The following USP7 variants were observed in gnomAD, a reference collection of about 807,000 sequenced individuals.
USP7 encodes the protein ubiquitin C-terminal hydrolase 7.
USP7 carries 9 observed loss-of-function variants against 162.9 expected under a neutral mutation model. The observed-to-expected ratio is 0.06, with a 90% confidence interval of 0.03 to 0.10. The LOEUF (loss-of-function observed/expected upper bound fraction) is 0.10. Among genes scored for constraint, USP7 ranks in the 10% least tolerant of loss-of-function variants. The pLI is 1.00. For synonymous variants in USP7, 562 were observed against 475.9 expected (o/e 1.18, Z -2.35); for missense variants, 715 against 1,373.7 (o/e 0.52, Z 7.58).
At chr16:8,953,047 G>T (rs1478477853) in intron 1 of USP7, among the ~76,000 whole-genome samples, 1 of 152,088 alleles carries the variant, frequency 6.6e-6, no homozygotes, top group Non-Finnish European at 1.5e-5. Flanking sequence ...ATGTTGGTCA[G>T]GCTGGTCTTG....
chr16:8,939,248 C>T (rs930326897), intron 1 of USP7, among the ~76,000 whole-genome samples: 2 of 152,238 alleles, frequency 1.3e-5, no homozygotes, highest in Admixed American at 6.5e-5. Flanking sequence ...GGCCCTGTTA[C>T]GACCACCCAC....
intron 6 of USP7, 21 bp from the exon 7 acceptor site, chr16:8,917,177 G>A (rs1446714377): frequency 2.5e-6 from 4 of 1,575,872 alleles, no homozygotes; most frequent in Non-Finnish European, 1.7e-6. Context: ...TAAGAAATAA[G>A]AATTTTTACT....
intron 2 of USP7, among the ~76,000 whole-genome samples, chr16:8,925,695 T>C (rs891683865): frequency 6.6e-6 from 1 of 152,188 alleles, no homozygotes; most frequent in African/African-American, 2.4e-5. Flanking sequence ...ACACAGTGGT[T>C]AGTTCACAAT....
chr16:8,935,689 A>G (rs1898669025), intron 1 of USP7: 7 of 152,244 alleles, frequency 4.6e-5, no homozygotes, highest in Admixed American at 2.6e-4. Context: ...GACAGTCTCC[A>G]TTATTGGTGA....
chr16:8,911,763 G>A (rs2061950200), intron 10 of USP7, among the ~76,000 whole-genome samples: 1 of 152,216 alleles, frequency 6.6e-6, no homozygotes, highest in Non-Finnish European at 1.5e-5. Flanking sequence ...GCGAGATCTG[G>A]GGATGTGCAG....
chr16:8,932,012 G>A (rs555392840), intron 1 of USP7, among the ~76,000 whole-genome samples: 5 of 152,154 alleles, frequency 3.3e-5, no homozygotes, highest in Admixed American at 2.0e-4. Context: ...TCTGCCATCC[G>A]AACCAGCAAG....
intron 23 of USP7, 103 bp from the exon 24 acceptor site, chr16:8,898,742 T>C: frequency 1.1e-6 from 1 of 941,352 alleles, no homozygotes; most frequent in Non-Finnish European, 1.6e-6. Context: ...ACACCTGGTC[T>C]TGAAATTTGG....
chr16:8,894,614 G>C lies in USP7; in HGVS notation c.3138C>G (p.Gly1046=), dbSNP rs1258768950. The part of the protein sequence containing the change: ...EKFKFAIVMM[G]RHQYINEDEY... ...CGTCTTCATTTATGTACTGGTGTCG[G>C]CCCATCATTACAATTGCAAATTTAA... Residue 1046 remains glycine, a synonymous_variant, in exon 30 of 31, where the codon GGC becomes GGG. Coordinates refer to ENST00000344836, the MANE Select transcript of USP7 (RefSeq NM_003470.3). The C allele has an allele frequency of 3.7e-6, 6 of 1,613,644 alleles. No homozygotes were observed. The Admixed American group carries it at 1.0e-4, about 27-fold the overall frequency.
In USP7 at chr16:8,916,412, ATTAGGTCTGAG is replaced by A; in HGVS notation, c.906+79_906+89del. The A allele has an allele frequency of 7.8e-6, 5 of 642,524 alleles. No homozygotes were observed. In the South Asian group the frequency reaches 1.2e-4, roughly 16 times the overall value. 39.8% of individuals were successfully genotyped at this position (642,524 alleles called of 1,614,324 possible). A position where few individuals can be genotyped will look rare whatever the true frequency, so the allele number is the denominator to read the frequency against. On this transcript the variant is annotated intron_variant, in intron 8 of 30. Transcript: ENST00000344836. ...CTAAACAAAGATGGGCATTTTCTGAATTAGGTCTGAGGTTTTACTTGGTAATAACTTCTGAC... is the reference window on the plus strand; with the variant it reads ...CTAAACAAAGATGGGCATTTTCTGAAGTTTTACTTGGTAATAACTTCTGAC...
chr16:8,920,302 T>G (rs1897617166), intron 5 of USP7, 57 bp downstream of exon 5: 6 of 1,466,784 alleles, frequency 4.1e-6, no homozygotes, highest in Non-Finnish European at 5.7e-6. Context: ...CGCTAAAGCT[T>G]CTTTCACTGC....
intron 1 of USP7, among the ~76,000 whole-genome samples, chr16:8,949,359 G>A (rs886661535): frequency 1.3e-5 from 2 of 152,190 alleles, no homozygotes; most frequent in African/African-American, 4.8e-5. Flanking sequence ...TGGGTACTAT[G>A]TAGGGAAAAA....
chr16:8,911,456 C>G (rs1377624977), intron 10 of USP7, among the ~76,000 whole-genome samples: 2 of 152,232 alleles, frequency 1.3e-5, no homozygotes, highest in Non-Finnish European at 1.5e-5. Flanking sequence ...CTCAATCCAA[C>G]ACGGAATTGT....
intron 1 of USP7, among the ~76,000 whole-genome samples, chr16:8,945,627 T>C (rs1197623512): frequency 6.6e-6 from 1 of 152,202 alleles, no homozygotes; most frequent in African/African-American, 2.4e-5. Context: ...AGTAAAGATG[T>C]TCTCCCCAAA....
chr16:8,899,839 AAC>A (rs2061746246), intron 21 of USP7, 82 bp from the exon 22 acceptor site: 1 of 1,477,176 alleles, frequency 6.8e-7, no homozygotes, highest in East Asian at 2.3e-5. Context: ...TCTTTTACAC[AAC>A]AGTGACACCA....
rs373524090 is a variant in USP7, at chr16:8,898,576, T to C, written c.2595A>G (p.Leu865=). The C allele has an allele frequency of 3.1e-6, 5 of 1,612,534 alleles. No individual in the cohort carries two copies. Among genetic ancestry groups the C allele is most frequent in the South Asian group, 1.1e-5 (1 of 90,522 alleles). Reference sequence around the variant, plus strand: ...TAGGTTGTCTAGGCTTGAAGAACTGTAGAAGATCTCTTAAAGTACCTTCAT... The same window carrying C: ...TAGGTTGTCTAGGCTTGAAGAACTGCAGAAGATCTCTTAAAGTACCTTCAT... ...HNYEGTLRDL[L]QFFKPRQPKK... Residue 865 remains leucine, a synonymous_variant, in exon 24 of 31, where the codon CTA becomes CTG. Transcript: ENST00000344836.
At chr16:8,952,019 T>C (rs1028680834) in intron 1 of USP7, among the ~76,000 whole-genome samples, 2 of 152,060 alleles carry the variant, frequency 1.3e-5, no homozygotes, top group African/African-American at 4.8e-5. Flanking sequence ...TCACGACTTT[T>C]GGGTGGTGAG....
intron 1 of USP7, among the ~76,000 whole-genome samples, chr16:8,936,399 AT>A (rs1383337406): frequency 6.6e-6 from 1 of 152,188 alleles, no homozygotes; most frequent in Non-Finnish European, 1.5e-5. Context: ...TCATTTAAAT[AT>A]ATGACTTAAA....
rs76835623 is a variant in USP7 at position 8,952,097 on chromosome 16, A to G, written c.79+11110T>C. ...GTAGACCCCCCCGTCTATACAAAAA[A>G]GAAAAAAAATGGCCAGGTGTGGTGT... On this transcript the variant is annotated intron_variant, in intron 1 of 30. Transcript: ENST00000344836. 3.1e-3 allele frequency among the ~76,000 whole-genome samples: 479 copies of G among 152,150 alleles called. 1 individual carries two copies. The highest frequency in any genetic ancestry group is 0.011 in the African/African-American group (462 of 41,516).
Position 8,963,832 on chromosome 16 carries a change from G to T in USP7, c.-547C>A, listed in dbSNP as rs1900120204. Among the ~76,000 whole-genome samples, 1 of 146,812 alleles carries T rather than the reference G, an allele frequency of 6.8e-6. No homozygotes were observed. Among genetic ancestry groups the T allele is most frequent in the Admixed American group, 6.7e-5 (1 of 14,820 alleles). On this transcript the variant is annotated 5_prime_UTR_variant, in exon 1 of 31. Transcript: ENST00000344836. ...CCTCCGCCTCCTCGGCGTCGTCGTC[G>T]GGGCTCCGGCAGCGGACGCGGCGCC...
Sources: gnomAD v4.1 joint callset for allele counts (sites outside exome capture counted in the v4.1 genomes callset) on GRCh38, gnomAD v4.1.1 for gene constraint, MANE v1.5 for transcripts, NCBI Gene and HGNC (gene_info 2026-07-23, HGNC 2026-07-21) for gene names.